Variants in DLST observed in about 807,000 individuals in gnomAD.
DLST encodes dihydrolipoamide S-succinyltransferase.
Under a neutral mutation model 53.1 loss-of-function variants are expected in DLST, and 17 were observed. That is an observed-to-expected ratio of 0.32 (90% CI 0.22 to 0.48). DLST has a LOEUF of 0.48. Ranked by LOEUF, DLST falls within the 20% of genes least tolerant of loss-of-function variation. The probability of loss-of-function intolerance (pLI) is 0.99; values close to 1 mark genes in which losing one functional copy is unlikely to be tolerated. For missense variants in DLST, 512 were observed against 583.9 expected, an observed-to-expected ratio of 0.88 and a Z score of 1.27; for synonymous variants, 206 against 204.8, an observed-to-expected ratio of 1.01 and a Z score of -0.05.
rs1883890944 is a variant in DLST at position 74,891,122 on chromosome 14, A to G, written c.397A>G (p.Lys133Glu). 2 of 1,614,180 alleles carry G rather than the reference A, an allele frequency of 1.2e-6. No homozygotes were observed. Among genetic ancestry groups the G allele is most frequent in the Non-Finnish European group, 1.7e-6 (2 of 1,180,034 alleles). The change falls in exon 7 of 15, where the codon AAA (lysine) becomes GAA (glutamate). Residue 133 changes from lysine (K) to glutamate (E), a missense_variant. By Grantham distance (56) the Lys-to-Glu change is moderately conservative. This residue lies in a region of DLST where 162 missense variants were observed against 162.0 expected (regional missense o/e 1.00). Transcript: ENST00000334220. Reference sequence around the variant, plus strand: ...AGCTCTTTTGGTACCTGATGGGGGAAAAGTCGAAGGAGGCACTCCACTTTT... The same window carrying G: ...AGCTCTTTTGGTACCTGATGGGGGAGAAGTCGAAGGAGGCACTCCACTTTT... The part of the protein sequence containing the change: ...IEALLVPDGG[K>E]VEGGTPLFTL...
chr14:74,891,971 T>G (rs934083733), intron 7 of DLST: 6 of 500,486 alleles, frequency 1.2e-5, no homozygotes, highest in Non-Finnish European at 1.6e-5. Flanking sequence ...TCCAGATGGG[T>G]GAAAAACAGA....
chr14:74,894,647 G>A (rs1196528359), intron 10 of DLST, among the ~76,000 whole-genome samples: 2 of 152,182 alleles, frequency 1.3e-5, no homozygotes, highest in South Asian at 2.1e-4. Context: ...CCGGGTTCAC[G>A]CCATTCTCCT....
chr14:74,885,724 T>C (rs1594871840), intron 3 of DLST, 90 bp downstream of exon 3: 1 of 1,234,934 alleles, frequency 8.1e-7, no homozygotes, highest in East Asian at 2.4e-5. Context: ...ATTTCTTCAC[T>C]GGCCTCCAGA....
At chr14:74,889,847 G>A (rs760249525) in intron 5 of DLST, 50 bp from the exon 6 acceptor site, 1 of 1,599,238 alleles carries the variant, frequency 6.3e-7, no homozygotes, top group Non-Finnish European at 8.6e-7. Flanking sequence ...TGTGGCTACT[G>A]GAGGCTCCCC....
At chr14:74,891,796 A>C in intron 7 of DLST, 2 of 985,376 alleles carry the variant, frequency 2.0e-6, no homozygotes, top group Non-Finnish European at 2.4e-6. Flanking sequence ...ACAGAAGTCT[A>C]TTTCTTTTTC....
Position 74,891,022 on chromosome 14 carries a change from A to G in DLST, c.331-34A>G, listed in dbSNP as rs1484255531. On this transcript the variant is annotated intron_variant, in intron 6 of 14. Coordinates refer to ENST00000334220, the MANE Select transcript of DLST (RefSeq NM_001933.5). Reference sequence around the variant, plus strand: ...GCTAATTTTCTAATGCTGGATAAACATTTGGACTTCCTCCATCTGTCTTCC... The same window carrying G: ...GCTAATTTTCTAATGCTGGATAAACGTTTGGACTTCCTCCATCTGTCTTCC... The G allele has an allele frequency of 5.0e-6, 8 of 1,597,720 alleles. No individual in the cohort carries two copies. The Admixed American group carries it at 6.7e-5, about 13-fold the overall frequency.
chr14:74,882,256 C>T (rs73305781), intron 1 of DLST, among the ~76,000 whole-genome samples: 1 of 152,334 alleles, frequency 6.6e-6, no homozygotes, highest in African/African-American at 2.4e-5. Context: ...CTGTACCCCA[C>T]CCTCCGCGCG....
intron 7 of DLST, among the ~76,000 whole-genome samples, chr14:74,892,628 A>G (rs2140194949): frequency 6.6e-6 from 1 of 152,194 alleles, no homozygotes; most frequent in African/African-American, 2.4e-5. Flanking sequence ...AAGTTGAGCC[A>G]GTTATCTGAT....
At chr14:74,894,998 C>T (rs1258617159) in intron 10 of DLST, among the ~76,000 whole-genome samples, 1 of 152,018 alleles carries the variant, frequency 6.6e-6, no homozygotes, top group Non-Finnish European at 1.5e-5. Context: ...GAGGCCGAGG[C>T]AGGCGGATTG....
intron 2 of DLST, among the ~76,000 whole-genome samples, chr14:74,883,665 A>AT (rs1883609778): frequency 6.6e-6 from 1 of 152,142 alleles, no homozygotes; most frequent in Admixed American, 6.5e-5. Flanking sequence ...TTTTTAGTTA[A>AT]TCATCTCAAA....
intron 8 of DLST, 54 bp from the exon 9 acceptor site, chr14:74,893,294 C>T (rs1263642366): frequency 1.9e-6 from 3 of 1,598,528 alleles, no homozygotes; most frequent in Non-Finnish European, 1.7e-6. Flanking sequence ...GGCACAAACT[C>T]AGCAGATGTT....
chr14:74,885,069 C>CTAAAA, intron 2 of DLST, among the ~76,000 whole-genome samples: 5 of 152,146 alleles, frequency 3.3e-5, no homozygotes, highest in Admixed American at 3.3e-4. Flanking sequence ...AACTGGAGAC[C>CTAAAA]CCGAGCCTAA....
intron 6 of DLST, 145 bp downstream of exon 6, chr14:74,890,097 A>T (rs1014721327): frequency 1.4e-5 from 7 of 514,762 alleles, no homozygotes; most frequent in South Asian, 3.2e-5. Context: ...TGTTCAATTT[A>T]AAAAAAAAAC....
Position 74,889,094 on chromosome 14 carries a change from G to A in DLST, c.147-1G>A. 6.2e-7 allele frequency: 1 copy of A among 1,614,056 alleles called. No individual in the cohort carries two copies. The highest frequency in any genetic ancestry group is 8.5e-7 in the Non-Finnish European group (1 of 1,180,016). The stretch of plus-strand genomic sequence containing the variant: ...GGAGTTAACGTGTGTTTCTTTTGTA[G>A]CATTAACAACAGTGTCTTCAGTGTT... On this transcript the variant is annotated splice_acceptor_variant, in intron 3 of 14. Coordinates refer to ENST00000334220, the MANE Select transcript of DLST (RefSeq NM_001933.5). LOFTEE classifies it high-confidence loss of function.
chr14:74,894,874 G>A (rs1433435733), intron 10 of DLST, among the ~76,000 whole-genome samples: 6 of 152,078 alleles, frequency 3.9e-5, no homozygotes, highest in Non-Finnish European at 7.4e-5. Context: ...CACAGAGTGA[G>A]CCGCTGGCTT....
chr14:74,901,126 G>A lies in DLST; in HGVS notation c.1120G>A (p.Gly374Arg). ...MDGGTFTISNGGVFGSLFGTP... is the reference protein window; with the variant it reads ...MDGGTFTISNRGVFGSLFGTP... The stretch of plus-strand genomic sequence containing the variant: ...TGGCGGTACCTTCACCATTAGCAAT[G>A]GAGGCGTTTTTGGCTCGCTCTTTGG... The change falls in exon 14 of 15, where the codon GGA becomes AGA. Residue 374 changes from glycine (G) to arginine (R), a missense_variant. Gly to Arg is a moderately radical substitution (Grantham distance 125, BLOSUM62 -2). This residue lies in a region of DLST where 186 missense variants were observed against 260.4 expected (regional missense o/e 0.71). Transcript: ENST00000334220. 6.2e-7 allele frequency: 1 copy of A among 1,614,204 alleles called. No individual in the cohort carries two copies. The highest frequency in any genetic ancestry group is 8.5e-7 in the Non-Finnish European group (1 of 1,180,036).
intron 9 of DLST, among the ~76,000 whole-genome samples, chr14:74,893,667 T>C (rs186511757): frequency 1.3e-3 from 204 of 152,344 alleles, no homozygotes; most frequent in Middle Eastern, 3.4e-3. Context: ...AGTGAAAGCC[T>C]TGGGTAAGTT....
chr14:74,899,874 C>A (rs773281063), intron 11 of DLST, 49 bp from the exon 12 acceptor site: 2 of 1,467,668 alleles, frequency 1.4e-6, no homozygotes, highest in Non-Finnish European at 1.9e-6. Context: ...CCTCATTAGT[C>A]TTGGCCTTCC....
chr14:74,891,611 C>T lies in DLST; in HGVS notation c.442+444C>T, dbSNP rs1276216904. The T allele has an allele frequency of 1.6e-5, 16 of 987,626 alleles. No homozygotes were observed. The East Asian group carries it at 1.8e-3, about 110-fold the overall frequency. 61.2% of individuals were successfully genotyped at this position (987,626 alleles called of 1,614,324 possible). On this transcript the variant is annotated intron_variant, in intron 7 of 14. Transcript: ENST00000334220. ...TTGTTTCTTTTCACATCTGTTCTCT[C>T]ATATCTCTAGGAAGGGTTGGTATTT...
Sources: allele counts gnomAD v4.1 joint callset (sites outside exome capture counted in the v4.1 genomes callset), GRCh38; gene constraint gnomAD v4.1.1; regional missense constraint gnomAD v4.1.1; transcripts MANE v1.5; gene names NCBI Gene and HGNC (gene_info 2026-07-23, HGNC 2026-07-21).